CX3CL1: variants seen among roughly 807,000 people sequenced by gnomAD.
The protein encoded by CX3CL1 is fractalkine.
A neutral mutation model predicts 14.1 loss-of-function variants in CX3CL1; 1 was observed. The observed-to-expected ratio is 0.07, with a 90% CI of 0.03 to 0.34. The LOEUF (loss-of-function observed/expected upper bound fraction) is 0.34. CX3CL1 is among the 10% of genes least tolerant of loss of function. CX3CL1 has a pLI of 0.99. For missense variants in CX3CL1, 505 were observed against 536.4 expected (o/e 0.94, Z 0.58); for synonymous variants, 255 against 229.6 (o/e 1.11, Z -1.00).
Position 57,382,705 on chromosome 16 carries a change from C to T in CX3CL1, c.867C>T (p.Val289=), listed in dbSNP as rs749198932. ...GCAGCATGGCCCACGTCTCTGTGGTCCCTGTCTCCTCAGAAGGGACCCCCA... is the reference window on the plus strand; with the variant it reads ...GCAGCATGGCCCACGTCTCTGTGGTTCCTGTCTCCTCAGAAGGGACCCCCA... ...GPGSMAHVSV[V]PVSSEGTPSR... is the part of the protein sequence containing the mutation. The change falls in exon 3 of 3, where the codon GTC becomes GTT. Residue 289 remains valine (V), a synonymous_variant. Transcript: ENST00000006053. This position sits in a 1 kb window ranked among gnomAD's most constrained non-coding sequence, Gnocchi z 6.9. The T allele has an allele frequency of 5.6e-6, 9 of 1,612,826 alleles. 1 individual carries two copies. The South Asian group carries it at 7.7e-5, about 14-fold the overall frequency.
Position 57,382,007 on chromosome 16 carries a change from A to C in CX3CL1, c.192-23A>C, listed in dbSNP as rs1902326137. The C allele has an allele frequency of 1.9e-6, 3 of 1,553,392 alleles. No individual in the cohort carries two copies. The highest frequency in any genetic ancestry group is 1.7e-6 in the Non-Finnish European group (2 of 1,144,482). On this transcript the variant is annotated intron_variant, in intron 2 of 2. Coordinates refer to ENST00000006053, the MANE Select transcript of CX3CL1 (RefSeq NM_002996.6). This position sits in a 1 kb window ranked among gnomAD's most constrained non-coding sequence, Gnocchi z 6.9. ...GTTTCTGGTATCTGGGCATAACCGAATCCCTGTCTTCCTCCCTTGTAGCTT... is the reference window on the plus strand; with the variant it reads ...GTTTCTGGTATCTGGGCATAACCGACTCCCTGTCTTCCTCCCTTGTAGCTT...
chr16:57,383,260 C>T lies in CX3CL1; in HGVS notation c.*228C>T. On this transcript the variant is annotated 3_prime_UTR_variant, in exon 3 of 3. Transcript: ENST00000006053. ...GGGGTGGCCTCCCAACTCACCCCAG[C>T]CCCAAAACTCTCCTCTGCTGCTGGC... is the stretch of plus-strand genomic sequence containing the variant. The T allele has an allele frequency of 2.5e-6, 1 of 393,640 alleles. No homozygotes were observed. Among genetic ancestry groups the T allele is most frequent in the Non-Finnish European group, 4.5e-6 (1 of 224,430 alleles). 24.4% of individuals were successfully genotyped at this position (393,640 alleles called of 1,614,324 possible).
intron 1 of CX3CL1, among the ~76,000 whole-genome samples, chr16:57,374,176 T>C (rs1448533758): frequency 6.6e-6 from 1 of 152,078 alleles, no homozygotes; most frequent in Non-Finnish European, 1.5e-5. Flanking sequence ...CACGCTGACA[T>C]GTATGGCTCT....
chr16:57,384,839 G>A lies in CX3CL1; in HGVS notation c.*1807G>A, dbSNP rs1902390798. On this transcript the variant is annotated 3_prime_UTR_variant, in exon 3 of 3. Transcript: ENST00000006053. ...CAGGGGTGGGACACCCTGTGATGGG[G>A]CCCTGCCTCCTTTGTGAGGAAGCCG... 6.6e-6 allele frequency: 1 copy of A among 152,250 alleles called. No individual in the cohort carries two copies. Among genetic ancestry groups the A allele is most frequent in the African/African-American group, 2.4e-5 (1 of 41,466 alleles). The allele number at this position is 152,250 out of a possible 1,614,324, so 9.4% of individuals were successfully genotyped here. A position where few individuals can be genotyped will look rare whatever the true frequency, so the allele number is the denominator to read the frequency against.
chr16:57,378,952 C>T (rs1276929404), intron 1 of CX3CL1: 1 of 152,212 alleles, frequency 6.6e-6, no homozygotes, highest in African/African-American at 2.4e-5. Context: ...GAACCTGCTC[C>T]ATCACTTGCT....
At chr16:57,376,440 G>GTGGATGGATGGATGGATGGA (rs56202816) in intron 1 of CX3CL1, among the ~76,000 whole-genome samples, 4 of 145,110 alleles carry the variant, frequency 2.8e-5, no homozygotes, top group East Asian at 2.1e-4. Context: ...GAATCAGGAA[G>GTGGATGGATGGATGGATGGA]TGGATGGATG....
At position 57,381,944 on chromosome 16, in the gene CX3CL1, G is replaced by A. The variant is rs548900763; in HGVS notation, c.192-86G>A. 16 of 1,401,786 alleles carry A rather than the reference G, an allele frequency of 1.1e-5. No homozygotes were observed. The South Asian group carries it at 2.1e-4, about 18-fold the overall frequency. The allele number at this position is 1,401,786 out of a possible 1,614,324, so 86.8% of individuals were successfully genotyped here. A position where few individuals can be genotyped will look rare whatever the true frequency, so the allele number is the denominator to read the frequency against. ...TTCCAGCCGGGTGTGTTCACCTGCA[G>A]AGTATTGGTGCTGTGCCCCCACACC... On this transcript the variant is annotated intron_variant, in intron 2 of 2. Transcript: ENST00000006053.
rs187920849 is a variant in CX3CL1, at chr16:57,382,219, G to T, written c.381G>T (p.Leu127=). The change falls in exon 3 of 3, where the codon CTG becomes CTT. Residue 127 remains leucine (L), a synonymous_variant. Coordinates refer to ENST00000006053, the MANE Select transcript of CX3CL1 (RefSeq NM_002996.6). This position sits in a 1 kb window ranked among gnomAD's most constrained non-coding sequence, Gnocchi z 6.9. ...GGGGAATGGACGAGTCTGTGGTCCT[G>T]GAGCCCGAAGCCACAGGCGAAAGCA... ...AAGGMDESVV[L]EPEATGESSS... is the part of the protein sequence containing the mutation. The T allele has an allele frequency of 6.8e-6, 11 of 1,612,758 alleles. No individual in the cohort carries two copies. In the South Asian group the frequency reaches 1.2e-4, roughly 18 times the overall value.
chr16:57,381,725 A>C (rs1350689814), intron 2 of CX3CL1, among the ~76,000 whole-genome samples: 1 of 152,024 alleles, frequency 6.6e-6, no homozygotes, highest in Non-Finnish European at 1.5e-5. Flanking sequence ...TTGCCTGGGG[A>C]CTTCCCCAGT....
Position 57,379,770 on chromosome 16 carries a change from G to A in CX3CL1, c.191+16G>A, listed in dbSNP as rs202039021. 9 of 1,613,940 alleles carry A rather than the reference G, an allele frequency of 5.6e-6. No homozygotes were observed. Among genetic ancestry groups the A allele is most frequent in the African/African-American group, 1.3e-5 (1 of 75,036 alleles). ...GCGCAATCATGTAGGTACTGCCCTC[G>A]AGGCCTCTGAAATCCCCTTTGGGCC... On this transcript the variant is annotated intron_variant, in intron 2 of 2. Transcript: ENST00000006053.
rs1168766092 is a variant in CX3CL1, at chr16:57,384,948, G to A, written c.*1916G>A. The A allele has an allele frequency of 6.6e-6, 1 of 152,206 alleles. No individual in the cohort carries two copies. Among genetic ancestry groups the A allele is most frequent in the South Asian group, 2.1e-4 (1 of 4,828 alleles). The allele number at this position is 152,206 out of a possible 1,614,324, so 9.4% of individuals were successfully genotyped here. On this transcript the variant is annotated 3_prime_UTR_variant, in exon 3 of 3. Transcript: ENST00000006053. ...ACAAGGATGATCTAGGAAGACTTTG[G>A]AAAGAGTAGGAAGACTTTGGAAAGA...
rs190774919 is a variant in CX3CL1 at position 57,381,158 on chromosome 16, G to A, written c.192-872G>A. On this transcript the variant is annotated intron_variant, in intron 2 of 2. Coordinates refer to ENST00000006053, the MANE Select transcript of CX3CL1 (RefSeq NM_002996.6). ...AGATGCCTTTACTTCACCTCTCTGA[G>A]CCTTGGTTTCCTCATCTGTAAAATG... Among the ~76,000 whole-genome samples, 11 of 152,310 alleles carry A rather than the reference G, an allele frequency of 7.2e-5. No homozygotes were observed. The East Asian group carries it at 1.5e-3, about 21-fold the overall frequency.
intron 1 of CX3CL1, among the ~76,000 whole-genome samples, chr16:57,373,899 A>G (rs682082): frequency 0.088 from 13,308 of 151,984 alleles, 834 homozygotes; most frequent in African/African-American, 0.17. Context: ...TCCAATGCCT[A>G]TGGAGGTGTT....
intron 1 of CX3CL1, among the ~76,000 whole-genome samples, chr16:57,376,614 G>A (rs548563237): frequency 7.2e-5 from 11 of 151,922 alleles, no homozygotes; most frequent in South Asian, 6.3e-4. Context: ...AAAAGGGGGC[G>A]GAAGATTGAC....
rs927482709 is a variant in CX3CL1, at chr16:57,383,142, G to A, written c.*110G>A. 2.9e-6 allele frequency: 3 copies of A among 1,039,812 alleles called. No individual in the cohort carries two copies. The Admixed American group carries it at 9.2e-5, about 32-fold the overall frequency. The allele number at this position is 1,039,812 out of a possible 1,614,324, so 64.4% of individuals were successfully genotyped here. ...GGCCTGAGCTGGGATGATTGGAGGG[G>A]GGAGGTGGGATCCTCCAGGTGCACA... On this transcript the variant is annotated 3_prime_UTR_variant, in exon 3 of 3. Transcript: ENST00000006053.
intron 1 of CX3CL1, among the ~76,000 whole-genome samples, chr16:57,373,044 G>A (rs1406742453): frequency 1.3e-5 from 2 of 152,128 alleles, no homozygotes; most frequent in East Asian, 1.9e-4. Flanking sequence ...TGTGTAACCC[G>A]CAGCCCTGGC....
rs1342629327 is a variant in CX3CL1 at position 57,383,587 on chromosome 16, C to G, written c.*555C>G. 2 of 153,216 alleles carry G rather than the reference C, an allele frequency of 1.3e-5. No homozygotes were observed. The highest frequency in any genetic ancestry group is 2.9e-5 in the Non-Finnish European group (2 of 68,470). 9.5% of individuals were successfully genotyped at this position (153,216 alleles called of 1,614,324 possible). A position where few individuals can be genotyped will look rare whatever the true frequency, so the allele number is the denominator to read the frequency against. On this transcript the variant is annotated 3_prime_UTR_variant, in exon 3 of 3. Coordinates refer to ENST00000006053, the MANE Select transcript of CX3CL1 (RefSeq NM_002996.6). ...ATGAGGCTAGTGTGGTGTTTCCTGGCACTGCTTCCAGTGAGGCTCTGCCCT... is the reference window on the plus strand; with the variant it reads ...ATGAGGCTAGTGTGGTGTTTCCTGGGACTGCTTCCAGTGAGGCTCTGCCCT...
chr16:57,376,498 A>G lies in CX3CL1; in HGVS notation c.71-3136A>G, dbSNP rs373562793. ...TGGATGGATGGATGGATGGGTGGAT[A>G]GATGGATGAATGGATGGATGGATGG... On this transcript the variant is annotated intron_variant, in intron 1 of 2. Coordinates refer to ENST00000006053, the MANE Select transcript of CX3CL1 (RefSeq NM_002996.6). Among the ~76,000 whole-genome samples, 3 of 134,768 alleles carry G rather than the reference A, an allele frequency of 2.2e-5. No individual in the cohort carries two copies. In the East Asian group the frequency reaches 6.5e-4, roughly 29 times the overall value. 88.4% of individuals were successfully genotyped at this position (134,768 alleles called of 152,430 possible). A position where few individuals can be genotyped will look rare whatever the true frequency, so the allele number is the denominator to read the frequency against.
At chr16:57,381,975 G>C in intron 2 of CX3CL1, 55 bp from the exon 3 acceptor site, 1 of 1,519,764 alleles carries the variant, frequency 6.6e-7, no homozygotes, top group South Asian at 1.3e-5. Flanking sequence ...ACACCACGCT[G>C]GCCCGGGTTT....
Sources: allele counts gnomAD v4.1 joint callset (sites outside exome capture counted in the v4.1 genomes callset), GRCh38; gene constraint gnomAD v4.1.1; non-coding constraint Gnocchi (gnomAD v3.1); transcripts MANE v1.5; gene names NCBI Gene and HGNC (gene_info 2026-07-23, HGNC 2026-07-21).